ANK2: variants seen among roughly 807,000 people sequenced by gnomAD.
ANK2 encodes ankyrin 2, also known as ankyrin-2.
ANK2 carries 83 observed loss-of-function variants against 360.5 expected under a neutral mutation model. The ratio of observed to expected loss-of-function variants is 0.23; its 90% CI spans 0.19 to 0.28. The LOEUF (loss-of-function observed/expected upper bound fraction) is 0.28, where lower values mean the gene tolerates loss of function less well. Ranked by LOEUF, ANK2 falls within the 10% of genes least tolerant of loss-of-function variation. The pLI is 1.00. For missense variants in ANK2, 4,201 were observed against 4,795.7 expected, an observed-to-expected ratio of 0.88 and a Z score of 3.66; for synonymous variants, 1,740 against 1,759.5, an observed-to-expected ratio of 0.99 and a Z score of 0.28.
Position 112,969,020 on chromosome 4 carries a change from A to G in ANK2, c.21+64506A>G, listed in dbSNP as rs181708721. On this transcript the variant is annotated intron_variant, in intron 2 of 30. Coordinates refer to the ANK2 transcript ENST00000503271. ...TAGCCCTGTGTATAGTCCAGTAACT[A>G]TGCTGAGGGCCTTGTATATGTTGTC... 4.4e-4 allele frequency among the ~76,000 whole-genome samples: 67 copies of G among 152,316 alleles called. No homozygotes were observed. In the East Asian group the frequency reaches 7.9e-3, roughly 18 times the overall value.
At chr4:113,141,900 A>G (rs1349984105) in intron 1 of ANK2, among the ~76,000 whole-genome samples, 1 of 152,224 alleles carries the variant, frequency 6.6e-6, no homozygotes, top group African/African-American at 2.4e-5. Context: ...ACAGCAATAC[A>G]AATGAAATAA....
intron 45 of ANK2, among the ~76,000 whole-genome samples, chr4:113,377,665 C>T (rs1589426628): frequency 6.6e-6 from 1 of 152,078 alleles, no homozygotes; most frequent in Non-Finnish European, 1.5e-5. Flanking sequence ...AAAAGCAAAC[C>T]TCTTAAAATA....
intron 45 of ANK2, among the ~76,000 whole-genome samples, chr4:113,374,516 CAAAACTG>C (rs950648694): frequency 1.8e-4 from 27 of 152,094 alleles, no homozygotes; most frequent in African/African-American, 6.5e-4. Context: ...TTCTTATTCA[CAAAACTG>C]ATAACTTTTT....
chr4:113,237,653 C>G, intron 7 of ANK2, 31 bp downstream of exon 7: 2 of 1,573,210 alleles, frequency 1.3e-6, no homozygotes, highest in South Asian at 2.2e-5. Flanking sequence ...CAAAATTTAC[C>G]TTGTCTTTAT....
intron 2 of ANK2, among the ~76,000 whole-genome samples, chr4:113,184,314 T>A (rs1201587646): frequency 6.6e-6 from 1 of 151,622 alleles, no homozygotes; most frequent in East Asian, 2.0e-4. Context: ...GTGGAGTTGG[T>A]GACTATCATA....
At chr4:112,981,189 G>A (rs1318050283) in intron 2 of ANK2, among the ~76,000 whole-genome samples, 1 of 152,208 alleles carries the variant, frequency 6.6e-6, no homozygotes, top group Non-Finnish European at 1.5e-5. Context: ...CATGCTCAAG[G>A]CTCCACTGGC....
chr4:113,030,766 AT>A lies in ANK2; in HGVS notation c.21+126253del, dbSNP rs540223308. 3.0e-3 allele frequency among the ~76,000 whole-genome samples: 455 copies of A among 152,254 alleles called. 2 individuals are homozygous for A. Among genetic ancestry groups the A allele is most frequent in the Non-Finnish European group, 4.7e-3 (322 of 67,996 alleles). ...GGTAAGACTAAAGAATGTTAAAAAA[AT>A]AATCCAAATAATAGGAAAGAAAGGA... On this transcript the variant is annotated intron_variant, in intron 2 of 30. Transcript: ENST00000503271.
chr4:113,281,511 T>A (rs569617936), intron 17 of ANK2, among the ~76,000 whole-genome samples: 1 of 152,188 alleles, frequency 6.6e-6, no homozygotes, highest in South Asian at 2.1e-4. Flanking sequence ...TGCGCTCCAG[T>A]CTTGGTGATG....
chr4:113,097,959 G>A (rs2091938745), intron 1 of ANK2, among the ~76,000 whole-genome samples: 1 of 149,396 alleles, frequency 6.7e-6, no homozygotes, highest in Non-Finnish European at 1.5e-5. Context: ...GTATATATAA[G>A]ATAAATAAAA....
rs144072868 is a variant in ANK2, at chr4:113,332,845, G to A, written c.3225-209G>A. The A allele has an allele frequency of 4.9e-4, 304 of 626,294 alleles. 1 individual carries two copies. Among genetic ancestry groups the A allele is most frequent in the African/African-American group, 4.4e-3 (242 of 54,714 alleles). 38.8% of individuals were successfully genotyped at this position (626,294 alleles called of 1,614,324 possible). On this transcript the variant is annotated intron_variant, in intron 28 of 45. Coordinates refer to ENST00000357077, the MANE Select transcript of ANK2 (RefSeq NM_001148.6). ...CACAGGGAAACATTATTTGGCTTAA[G>A]GTAGCAGCATGTACCTGAGGATTGG...
At chr4:112,933,308 C>A (rs527820058) in intron 2 of ANK2, among the ~76,000 whole-genome samples, 31 of 152,160 alleles carry the variant, frequency 2.0e-4, no homozygotes, top group African/African-American at 7.5e-4. Flanking sequence ...AAGTCTCCCT[C>A]TGCTTTTATA....
At chr4:113,155,696 T>C (rs1215889054) in intron 1 of ANK2, among the ~76,000 whole-genome samples, 2 of 152,188 alleles carry the variant, frequency 1.3e-5, no homozygotes, top group African/African-American at 2.4e-5. Flanking sequence ...TGGAACTTCA[T>C]ACTTTTTGAT....
chr4:112,953,850 T>A (rs2095184048), intron 2 of ANK2, among the ~76,000 whole-genome samples: 1 of 152,180 alleles, frequency 6.6e-6, no homozygotes, highest in Admixed American at 6.5e-5. Context: ...AGAGATTTTA[T>A]TGACATTGTG....
At chr4:113,109,338 C>T (rs2094021353) in intron 1 of ANK2, among the ~76,000 whole-genome samples, 1 of 152,180 alleles carries the variant, frequency 6.6e-6, no homozygotes, top group Admixed American at 6.5e-5. Flanking sequence ...TTGTCTTTGA[C>T]ATTACTTCTG....
At chr4:113,336,877 G>A in intron 31 of ANK2, 96 bp downstream of exon 31, 4 of 1,155,300 alleles carry the variant, frequency 3.5e-6, no homozygotes, top group South Asian at 1.3e-5. Context: ...ATGTCTGCAG[G>A]GTCATATGCA....
At chr4:113,280,833 A>G (rs1245215350) in intron 17 of ANK2, among the ~76,000 whole-genome samples, 1 of 152,162 alleles carries the variant, frequency 6.6e-6, no homozygotes, top group African/African-American at 2.4e-5. Flanking sequence ...ATATCCCTGT[A>G]CCTAACCTTA....
intron 1 of ANK2, chr4:113,151,067 T>G (rs1268055326): frequency 7.8e-7 from 1 of 1,284,596 alleles, no homozygotes; most frequent in Non-Finnish European, 1.0e-6. Flanking sequence ...TTATGGGAAT[T>G]TTCCCACTAC....
rs374772623 is a variant in ANK2, at chr4:113,253,141, C to T, written c.991-2594C>T. Among the ~76,000 whole-genome samples, 4 of 152,340 alleles carry T rather than the reference C, an allele frequency of 2.6e-5. No individual in the cohort carries two copies. The South Asian group carries it at 6.2e-4, about 24-fold the overall frequency. On this transcript the variant is annotated intron_variant, in intron 10 of 45. Transcript: ENST00000357077. ...ATGTAGTCTACATTCTCTCCCGTTA[C>T]TATCATCTGGTGTGATTGCTTGGTC...
chr4:113,060,247 T>G (rs981248483), intron 1 of ANK2, among the ~76,000 whole-genome samples: 1 of 152,142 alleles, frequency 6.6e-6, no homozygotes, highest in Non-Finnish European at 1.5e-5. Flanking sequence ...AAATTATTTA[T>G]TAGAAAAAAT....
Sources: allele counts gnomAD v4.1 joint callset (sites outside exome capture counted in the v4.1 genomes callset), GRCh38; gene constraint gnomAD v4.1.1; transcripts MANE v1.5; gene names NCBI Gene and HGNC (gene_info 2026-07-23, HGNC 2026-07-21).